The following FARS2 variants were observed in gnomAD, a reference collection of about 807,000 sequenced individuals.
The protein encoded by FARS2 is phenylalanine--tRNA ligase, mitochondrial.
FARS2 carries 40 observed loss-of-function variants against 46.4 expected under a neutral mutation model. The ratio of observed to expected loss-of-function variants is 0.86; its 90% CI spans 0.67 to 1.12. The LOEUF (loss-of-function observed/expected upper bound fraction) is 1.12, where lower values mean the gene tolerates loss of function less well. Ranked by LOEUF, FARS2 falls within the 50% of genes most tolerant of loss-of-function variation. The pLI, the probability that FARS2 is intolerant of heterozygous loss-of-function variation, is 0.00. For synonymous variants in FARS2, 234 were observed against 214.9 expected (o/e 1.09, Z -0.78); for missense variants, 513 against 567.9 (o/e 0.90, Z 0.98).
In FARS2 at chr6:5,438,248, C is replaced by CCT. The variant is rs1209385240; in HGVS notation, c.904+7077_904+7078insTC. On this transcript the variant is annotated intron_variant, in intron 4 of 6. Coordinates refer to ENST00000274680, the MANE Select transcript of FARS2 (RefSeq NM_006567.5). ...TTCAAGGCTTCTACCCACCCCCCGCCCCCCCCCCCATTTTTGTTTTTCAGC... is the reference window on the plus strand; with the variant it reads ...TTCAAGGCTTCTACCCACCCCCCGCCCTCCCCCCCCCATTTTTGTTTTTCAGC... 2.8e-4 allele frequency among the ~76,000 whole-genome samples: 3 copies of CCT among 10,642 alleles called. 1 individual carries two copies. The highest frequency in any genetic ancestry group is 5.7e-4 in the Non-Finnish European group (3 of 5,240). The allele number at this position is 10,642 out of a possible 152,430, so 7.0% of individuals were successfully genotyped here. A position where few individuals can be genotyped will look rare whatever the true frequency, so the allele number is the denominator to read the frequency against.
At chr6:5,488,723 A>G (rs1422991982) in intron 4 of FARS2, among the ~76,000 whole-genome samples, 1 of 152,164 alleles carries the variant, frequency 6.6e-6, no homozygotes, top group Non-Finnish European at 1.5e-5. Context: ...TATCTTTGGT[A>G]AAATCACCCA....
chr6:5,707,379 G>A (rs2150894999), intron 6 of FARS2, among the ~76,000 whole-genome samples: 1 of 152,322 alleles, frequency 6.6e-6, no homozygotes, highest in Middle Eastern at 3.4e-3. Flanking sequence ...TGAAAACCTT[G>A]GTGCTAGTTC....
Position 5,267,193 on chromosome 6 carries a change from A to G in FARS2, c.-22+5533A>G, listed in dbSNP as rs1765608555. ...AAAACTCATTAATTCTTTTCATTGT[A>G]AAGGAAAGAAACCATCTTTTCATGC... On this transcript the variant is annotated intron_variant, in intron 1 of 6. Transcript: ENST00000274680. Among the ~76,000 whole-genome samples the G allele has an allele frequency of 2.0e-5, 3 of 148,772 alleles. No individual in the cohort carries two copies. The South Asian group carries it at 6.3e-4, about 31-fold the overall frequency.
At chr6:5,524,452 A>G (rs1462137357) in intron 4 of FARS2, among the ~76,000 whole-genome samples, 2 of 152,270 alleles carry the variant, frequency 1.3e-5, no homozygotes, top group Non-Finnish European at 2.9e-5. Flanking sequence ...AAGATGTATT[A>G]ACGTAGGATA....
At chr6:5,747,926 G>A (rs1386786966) in intron 6 of FARS2, among the ~76,000 whole-genome samples, 1 of 152,064 alleles carries the variant, frequency 6.6e-6, no homozygotes, top group Non-Finnish European at 1.5e-5. Flanking sequence ...TATATCTGAA[G>A]CCTCCATTTT....
intron 5 of FARS2, among the ~76,000 whole-genome samples, chr6:5,607,329 G>A (rs911132206): frequency 7.0e-6 from 1 of 143,418 alleles, no homozygotes; most frequent in African/African-American, 2.6e-5. Context: ...GTGTGTGTGT[G>A]TATTTCTTAA....
At chr6:5,431,719 T>A in intron 4 of FARS2, 1 of 531,672 alleles carries the variant, frequency 1.9e-6, no homozygotes, top group Non-Finnish European at 3.9e-6. Context: ...GCTGATTGAA[T>A]TCTACGCATA....
intron 1 of FARS2, among the ~76,000 whole-genome samples, chr6:5,282,470 G>A (rs957397637): frequency 6.6e-6 from 1 of 152,170 alleles, no homozygotes; most frequent in Admixed American, 6.5e-5. Flanking sequence ...CATTTTAGCC[G>A]GTGCATATGG....
chr6:5,689,794 TG>T (rs1232573770), intron 6 of FARS2, among the ~76,000 whole-genome samples: 3 of 152,164 alleles, frequency 2.0e-5, no homozygotes, highest in African/African-American at 7.2e-5. Flanking sequence ...ATGTTGACCG[TG>T]GGGTGTTAAA....
intron 1 of FARS2, among the ~76,000 whole-genome samples, chr6:5,329,960 C>T (rs1279490712): frequency 6.6e-6 from 1 of 152,216 alleles, no homozygotes; most frequent in Non-Finnish European, 1.5e-5. Flanking sequence ...CAGCTCCTTT[C>T]CCCTTTCTGT....
At chr6:5,726,721 G>A (rs1760283404) in intron 6 of FARS2, among the ~76,000 whole-genome samples, 1 of 152,210 alleles carries the variant, frequency 6.6e-6, no homozygotes, top group Non-Finnish European at 1.5e-5. Context: ...GGTGGGGCAT[G>A]TCAGTTCTTA....
intron 1 of FARS2, among the ~76,000 whole-genome samples, chr6:5,271,875 A>G (rs1275844422): frequency 1.3e-5 from 2 of 152,060 alleles, no homozygotes; most frequent in Non-Finnish European, 2.9e-5. Context: ...AGCTTTGCAT[A>G]TAGTAAATGA....
chr6:5,272,240 G>A (rs1477235825), intron 1 of FARS2, among the ~76,000 whole-genome samples: 2 of 152,304 alleles, frequency 1.3e-5, no homozygotes, highest in South Asian at 2.1e-4. Flanking sequence ...GTGGGATGAG[G>A]TACTTTGAGA....
At chr6:5,547,375 C>CT (rs1179938775) in intron 5 of FARS2, among the ~76,000 whole-genome samples, 161 of 145,032 alleles carry the variant, frequency 1.1e-3, no homozygotes, top group African/African-American at 2.8e-3. Flanking sequence ...CTTCACTTGT[C>CT]TTTTTGTTTT....
At chr6:5,571,634 C>A (rs1453934255) in intron 5 of FARS2, among the ~76,000 whole-genome samples, 1 of 152,176 alleles carries the variant, frequency 6.6e-6, no homozygotes, top group Non-Finnish European at 1.5e-5. Flanking sequence ...TGGGGTTCTC[C>A]CCACCAGCCT....
intron 5 of FARS2, among the ~76,000 whole-genome samples, chr6:5,578,837 A>G (rs1489400666): frequency 4.0e-5 from 6 of 150,830 alleles, no homozygotes; most frequent in Non-Finnish European, 8.9e-5. Context: ...AAAAAAACAA[A>G]AAAAAAAGAA....
intron 1 of FARS2, among the ~76,000 whole-genome samples, chr6:5,332,724 T>C (rs1402425875): frequency 6.6e-6 from 1 of 152,236 alleles, no homozygotes; most frequent in Non-Finnish European, 1.5e-5. Context: ...GGCAATGTTA[T>C]GTGGTTTCAA....
intron 6 of FARS2, among the ~76,000 whole-genome samples, chr6:5,696,161 A>G (rs1758093591): frequency 1.3e-5 from 2 of 152,212 alleles, no homozygotes; most frequent in South Asian, 2.1e-4. Context: ...GAAAATACAC[A>G]CTCTTTGACT....
chr6:5,651,404 T>C (rs35085403), intron 6 of FARS2, among the ~76,000 whole-genome samples: 5,047 of 152,276 alleles, frequency 0.033, 107 homozygotes, highest in Middle Eastern at 0.058. Context: ...ACTCTGCCAA[T>C]CACCAACAGG....
Sources: gnomAD v4.1 joint callset for allele counts (sites outside exome capture counted in the v4.1 genomes callset) on GRCh38, gnomAD v4.1.1 for gene constraint, MANE v1.5 for transcripts, NCBI Gene and HGNC (gene_info 2026-07-23, HGNC 2026-07-21) for gene names.